The following EHMT1 variants were observed in gnomAD, a reference collection of about 807,000 sequenced individuals.
The protein encoded by EHMT1 is histone-lysine N-methyltransferase EHMT1.
In EHMT1, 15 loss-of-function variants were observed where a neutral mutation model predicts 147.2. The ratio of observed to expected loss-of-function variants is 0.10; its 90% CI spans 0.07 to 0.16. EHMT1 has a LOEUF of 0.16. Ranked by LOEUF, EHMT1 falls within the 10% of genes least tolerant of loss-of-function variation. The pLI is 1.00. For missense variants in EHMT1, 1,587 were observed against 1,772.4 expected, an observed-to-expected ratio of 0.90 and a Z score of 1.88; for synonymous variants, 795 against 709.6, an observed-to-expected ratio of 1.12 and a Z score of -1.91.
chr9:137,827,464 CT>C (rs1433190765), intron 25 of EHMT1, among the ~76,000 whole-genome samples: 3 of 152,222 alleles, frequency 2.0e-5, no homozygotes, highest in Non-Finnish European at 2.9e-5. Context: ...CCCCAGACCC[CT>C]GTCCACCTGA....
intron 1 of EHMT1, among the ~76,000 whole-genome samples, chr9:137,710,054 G>A (rs1048460346): frequency 1.3e-5 from 2 of 152,048 alleles, no homozygotes; most frequent in African/African-American, 4.8e-5. Context: ...GGACTCCATG[G>A]TCCTGCTGCT....
chr9:137,698,323 A>G (rs1233042852), intron 1 of EHMT1, among the ~76,000 whole-genome samples: 1 of 152,256 alleles, frequency 6.6e-6, no homozygotes, highest in African/African-American at 2.4e-5. Context: ...TATTGTAGAC[A>G]TGGTAAACTA....
chr9:137,700,260 TAG>T (rs1943725297), intron 1 of EHMT1, among the ~76,000 whole-genome samples: 1 of 152,232 alleles, frequency 6.6e-6, no homozygotes, highest in Non-Finnish European at 1.5e-5. Flanking sequence ...TGACAGCCTG[TAG>T]TGCCCACCTC....
rs1375049358 is a variant in EHMT1 at position 137,632,297 on chromosome 9, CAGGGTTGGGGG to C, written c.21+13258_21+13268del. Reference sequence around the variant, plus strand: ...TGGTGCAGTAGAATGGTGTTCGTTCCAGGGTTGGGGGAGGGTTGGGAAGGAATCACAGAAGG... The same window carrying C: ...TGGTGCAGTAGAATGGTGTTCGTTCCAGGGTTGGGAAGGAATCACAGAAGG... On this transcript the variant is annotated intron_variant, in intron 1 of 26. Transcript: ENST00000460843. Among the ~76,000 whole-genome samples the C allele has an allele frequency of 3.9e-5, 6 of 152,260 alleles. No homozygotes were observed. The South Asian group carries it at 1.2e-3, about 32-fold the overall frequency.
intron 4 of EHMT1, among the ~76,000 whole-genome samples, chr9:137,729,785 A>G (rs887767984): frequency 6.6e-6 from 1 of 151,886 alleles, no homozygotes; most frequent in East Asian, 1.9e-4. Flanking sequence ...CCTGAAAACT[A>G]ATGTTATTTC....
At chr9:137,677,614 A>G (rs1431675437) in intron 1 of EHMT1, among the ~76,000 whole-genome samples, 1 of 151,896 alleles carries the variant, frequency 6.6e-6, no homozygotes, top group East Asian at 1.9e-4. Flanking sequence ...TTTAGTAGAG[A>G]CGGGGTTTCA....
At chr9:137,783,687 AC>A (rs1455855691) in intron 15 of EHMT1, among the ~76,000 whole-genome samples, 1 of 151,960 alleles carries the variant, frequency 6.6e-6, no homozygotes, top group African/African-American at 2.4e-5. Flanking sequence ...TCTGGGAAGG[AC>A]CTGTCTTCTC....
At chr9:137,728,608 T>C in intron 4 of EHMT1, 79 bp downstream of exon 4, 1 of 1,582,096 alleles carries the variant, frequency 6.3e-7, no homozygotes, top group South Asian at 1.1e-5. Flanking sequence ...GAGTTCTGTT[T>C]GGCTGTAAGT....
In EHMT1 at chr9:137,768,529, A is replaced by ATTTTTTTTTT. The variant is rs947901899; in HGVS notation, c.1647+5738_1647+5747dup. Among the ~76,000 whole-genome samples, 34 of 18,290 alleles carry ATTTTTTTTTT rather than the reference A, an allele frequency of 1.9e-3. 12 individuals carry two copies. The East Asian group carries it at 0.019, about 10-fold the overall frequency. The allele number at this position is 18,290 out of a possible 152,430, so 12.0% of individuals were successfully genotyped here. ...CCACCACGCCCGGCTAATTTTTTGT[A>ATTTTTTTTTT]TTTTTTTTTTTTTTTTTTTTTTTTT... On this transcript the variant is annotated intron_variant, in intron 10 of 26. Coordinates refer to ENST00000460843, the MANE Select transcript of EHMT1 (RefSeq NM_024757.5).
intron 1 of EHMT1, among the ~76,000 whole-genome samples, chr9:137,694,766 C>T (rs978554503): frequency 3.9e-5 from 6 of 152,142 alleles, no homozygotes; most frequent in East Asian, 3.8e-4. Flanking sequence ...TGATCAGGCG[C>T]GAGGCCTCGG....
rs762417944 is a variant in EHMT1 at position 137,743,902 on chromosome 9, G to A, written c.982G>A (p.Gly328Arg). The change falls in exon 6 of 27, where the codon GGG becomes AGG. Residue 328 changes from glycine to arginine, a missense_variant and splice_region_variant. Gly to Arg is a moderately radical substitution (Grantham distance 125). Around this residue, in one of 7 missense-constraint regions of EHMT1, gnomAD observed 810 missense variants for 673.0 expected, o/e 1.20. Coordinates refer to ENST00000460843, the MANE Select transcript of EHMT1 (RefSeq NM_024757.5). The stretch of plus-strand genomic sequence containing the variant: ...GGGTATACACCTGCCCGTGTTCTAG[G>A]GGGAGAAGGACCTGGGCGCCAGCAG... The part of the protein sequence containing the change: ...SITHSTVGSK[G>R]EKDLGASSLH... 23 of 1,610,900 alleles carry A rather than the reference G, an allele frequency of 1.4e-5. No individual in the cohort carries two copies. Among genetic ancestry groups the A allele is most frequent in the Non-Finnish European group, 1.8e-5 (21 of 1,179,220 alleles).
chr9:137,690,654 C>T (rs1357004675), intron 1 of EHMT1, among the ~76,000 whole-genome samples: 1 of 152,148 alleles, frequency 6.6e-6, no homozygotes, highest in East Asian at 1.9e-4. Context: ...ACTGCAACCT[C>T]TGCCTCCCGG....
In EHMT1 at chr9:137,777,987, T is replaced by C; in HGVS notation, c.2124T>C (p.Thr708=). The change falls in exon 13 of 27, where the codon ACT becomes ACC. Residue 708 remains threonine, a synonymous_variant. Coordinates refer to ENST00000460843, the MANE Select transcript of EHMT1 (RefSeq NM_024757.5). ...PTGPAGLGRP[T]PGLSQGPGKE... is the part of the protein sequence containing the mutation. ...GACCTGCTGGGCTTGGGAGGCCAACTCCCGGCCTTTCCCAGGGACCAGGGA... is the reference window on the plus strand; with the variant it reads ...GACCTGCTGGGCTTGGGAGGCCAACCCCCGGCCTTTCCCAGGGACCAGGGA... The C allele has an allele frequency of 6.2e-7, 1 of 1,613,706 alleles. No homozygotes were observed. The highest frequency in any genetic ancestry group is 8.5e-7 in the Non-Finnish European group (1 of 1,180,000).
At chr9:137,639,656 C>T (rs1217453307) in intron 1 of EHMT1, among the ~76,000 whole-genome samples, 1 of 152,132 alleles carries the variant, frequency 6.6e-6, no homozygotes, top group African/African-American at 2.4e-5. Flanking sequence ...TTTTTGCATA[C>T]TATATCTTTT....
At chr9:137,706,206 G>A (rs1236682505) in intron 1 of EHMT1, among the ~76,000 whole-genome samples, 1 of 152,222 alleles carries the variant, frequency 6.6e-6, no homozygotes, top group Non-Finnish European at 1.5e-5. Context: ...GTAGGTTGGG[G>A]CTCCTGAGGG....
intron 9 of EHMT1, 35 bp downstream of exon 9, chr9:137,758,046 T>A (rs775396138): frequency 1.2e-6 from 2 of 1,613,626 alleles, no homozygotes; most frequent in Non-Finnish European, 1.7e-6. Flanking sequence ...CCGGGCACCA[T>A]CTTGGTCCTT....
chr9:137,713,572 C>T (rs905721984), intron 2 of EHMT1, among the ~76,000 whole-genome samples: 1 of 151,668 alleles, frequency 6.6e-6, no homozygotes, highest in African/African-American at 2.4e-5. Flanking sequence ...TGCCTGGCCC[C>T]TAAGTATTAT....
intron 1 of EHMT1, among the ~76,000 whole-genome samples, chr9:137,671,050 G>T (rs1025284217): frequency 6.6e-6 from 1 of 152,212 alleles, no homozygotes; most frequent in Non-Finnish European, 1.5e-5. Flanking sequence ...GCTGTCCCGG[G>T]CCGTGAGCTG....
chr9:137,689,132 G>T (rs1031570656), intron 1 of EHMT1, among the ~76,000 whole-genome samples: 1 of 152,024 alleles, frequency 6.6e-6, no homozygotes, highest in Non-Finnish European at 1.5e-5. Flanking sequence ...TTTTTACACT[G>T]GAAAGGATTT....
Sources: gnomAD v4.1 joint callset for allele counts (sites outside exome capture counted in the v4.1 genomes callset) on GRCh38, gnomAD v4.1.1 for gene constraint, gnomAD v4.1.1 regional missense constraint, MANE v1.5 for transcripts, NCBI Gene and HGNC (gene_info 2026-07-23, HGNC 2026-07-21) for gene names.